PLAA: variants seen among roughly 807,000 people sequenced by gnomAD.
The protein encoded by PLAA is phospholipase A-2-activating protein.
A neutral mutation model predicts 84.1 loss-of-function variants in PLAA; 48 were observed. That is an observed-to-expected ratio of 0.57 (90% CI 0.45 to 0.73). The LOEUF (loss-of-function observed/expected upper bound fraction) is 0.73. PLAA is among the 30% of genes least tolerant of loss of function. PLAA has a pLI of 0.00. For synonymous variants in PLAA, 392 were observed against 336.6 expected (o/e 1.16, Z -1.80); for missense variants, 903 against 954.7 (o/e 0.95, Z 0.71).
At position 26,920,235 on chromosome 9, in the gene PLAA, C is replaced by T; in HGVS notation, c.1189G>A (p.Glu397Lys). The T allele has an allele frequency of 6.2e-7, 1 of 1,613,476 alleles. No individual in the cohort carries two copies. The highest frequency in any genetic ancestry group is 8.5e-7 in the Non-Finnish European group (1 of 1,179,576). Residue 397 changes from glutamate (E) to lysine (K), a missense_variant, in exon 8 of 14, where the codon GAA becomes AAA. By Grantham distance (56) the Glu-to-Lys change is moderately conservative. Transcript: ENST00000397292. The part of the protein sequence containing the change: ...NQQTSGKVLY[E>K]GKEFDYVFSI... ...AGTAGAAGTCGACATACTTTCCCTT[C>T]ATATAAAACTTTTCCAGATGTTTGC...
Position 26,903,551 on chromosome 9 carries a change from G to A in PLAA, c.*1960C>T, listed in dbSNP as rs974166268. Among the ~76,000 whole-genome samples, 1 of 152,014 alleles carries A rather than the reference G, an allele frequency of 6.6e-6. No individual in the cohort carries two copies. The highest frequency in any genetic ancestry group is 2.4e-5 in the African/African-American group (1 of 41,374). ...TTTTCTCTAGATAGTGGCCTTACAG[G>A]CAATTTTTATTTGGGGTGTGTGTGT... On this transcript the variant is annotated 3_prime_UTR_variant, in exon 14 of 14. Transcript: ENST00000397292.
At position 26,905,559 on chromosome 9, in the gene PLAA, T is replaced by C; in HGVS notation, c.2340A>G (p.Glu780=). The change falls in exon 14 of 14, where the codon GAA becomes GAG. Residue 780 remains glutamate (E), a synonymous_variant. Coordinates refer to ENST00000397292, the MANE Select transcript of PLAA (RefSeq NM_001031689.3). Reference sequence around the variant, plus strand: ...TACAGCATTCACTTACTTTAGCTGGTTCTGATACTGAGGAATACTTTTTTA... The same window carrying C: ...TACAGCATTCACTTACTTTAGCTGGCTCTGATACTGAGGAATACTTTTTTA... The part of the protein sequence containing the change: ...SQIKKYSSVS[E]PAKVSECCRF... The C allele has an allele frequency of 3.7e-6, 6 of 1,614,016 alleles. No homozygotes were observed. Among genetic ancestry groups the C allele is most frequent in the Non-Finnish European group, 5.1e-6 (6 of 1,180,002 alleles).
intron 2 of PLAA, among the ~76,000 whole-genome samples, chr9:26,933,584 C>T (rs924269319): frequency 5.9e-5 from 9 of 151,774 alleles, no homozygotes; most frequent in Non-Finnish European, 1.2e-4. Context: ...GTCAGGAGAT[C>T]GAGATCATCC....
chr9:26,914,985 G>A (rs1824504271), intron 10 of PLAA, among the ~76,000 whole-genome samples: 1 of 152,184 alleles, frequency 6.6e-6, no homozygotes, highest in Admixed American at 6.5e-5. Flanking sequence ...GGCTGAGGCG[G>A]GTGGATCACC....
intron 2 of PLAA, among the ~76,000 whole-genome samples, chr9:26,930,646 A>C (rs1359147041): frequency 6.7e-6 from 1 of 149,572 alleles, no homozygotes; most frequent in African/African-American, 2.5e-5. Flanking sequence ...GCAATGGTGC[A>C]ATCTTGGCTC....
chr9:26,931,059 T>C (rs1825167900), intron 2 of PLAA, among the ~76,000 whole-genome samples: 1 of 150,644 alleles, frequency 6.6e-6, no homozygotes, highest in Admixed American at 6.6e-5. Flanking sequence ...GAACATTCTG[T>C]AATAAAGCAA....
chr9:26,916,228 C>G, intron 10 of PLAA: 1 of 985,336 alleles, frequency 1.0e-6, no homozygotes, highest in East Asian at 1.1e-4. Context: ...TTTTATAGCT[C>G]ACAGTACCAG....
At position 26,928,094 on chromosome 9, in the gene PLAA, T is replaced by C. The variant is rs1183431276; in HGVS notation, c.565+6A>G. The C allele has an allele frequency of 2.5e-6, 4 of 1,612,020 alleles. No individual in the cohort carries two copies. Among genetic ancestry groups the C allele is most frequent in the Non-Finnish European group, 1.7e-6 (2 of 1,179,486 alleles). ...ATATTATAAAACTTGTCTACCCTGA[T>C]CTTACCTGAAAAAGTCCTCTCACAT... On this transcript the variant is annotated splice_donor_region_variant and intron_variant, in intron 4 of 13. Coordinates refer to ENST00000397292, the MANE Select transcript of PLAA (RefSeq NM_001031689.3).
chr9:26,910,282 TG>T, intron 12 of PLAA, 55 bp downstream of exon 12: 1 of 1,299,918 alleles, frequency 7.7e-7, no homozygotes, highest in Non-Finnish European at 1.1e-6. Flanking sequence ...GAAACAACCT[TG>T]ATGACATCTC....
intron 2 of PLAA, among the ~76,000 whole-genome samples, chr9:26,930,810 T>A (rs1357065698): frequency 6.6e-6 from 1 of 151,534 alleles, no homozygotes; most frequent in Non-Finnish European, 1.5e-5. Flanking sequence ...CGTGAACTCC[T>A]GACTTCAAGT....
chr9:26,929,072 G>A (rs370088657), intron 2 of PLAA, among the ~76,000 whole-genome samples: 1 of 152,020 alleles, frequency 6.6e-6, no homozygotes, highest in African/African-American at 2.4e-5. Flanking sequence ...GGCGGTATGC[G>A]CCTGTGTTCC....
intron 4 of PLAA, 70 bp downstream of exon 4, chr9:26,928,030 A>G (rs1205064109): frequency 6.7e-7 from 1 of 1,488,374 alleles, no homozygotes; most frequent in Non-Finnish European, 9.1e-7. Flanking sequence ...ATGCTTGTAA[A>G]CTTCTGAGAA....
At chr9:26,923,461 G>T in intron 6 of PLAA, 114 bp from the exon 7 acceptor site, 1 of 788,298 alleles carries the variant, frequency 1.3e-6, no homozygotes, top group Non-Finnish European at 2.0e-6. Context: ...AGAAATATTA[G>T]CATGTTATTA....
Position 26,913,871 on chromosome 9 carries a change from G to T in PLAA, c.1555+8C>A, listed in dbSNP as rs747382266. On this transcript the variant is annotated splice_region_variant and intron_variant, in intron 11 of 13. Transcript: ENST00000397292. ...TAAAAAAAAGAAAAAGAAATAAAAA[G>T]TATGTACCTGTAAATGGATCAACTC... The T allele has an allele frequency of 2.5e-6, 4 of 1,576,650 alleles. No homozygotes were observed. Among genetic ancestry groups the T allele is most frequent in the African/African-American group, 1.4e-5 (1 of 73,882 alleles).
chr9:26,934,590 G>A (rs1025602976), intron 2 of PLAA, among the ~76,000 whole-genome samples: 5 of 147,012 alleles, frequency 3.4e-5, no homozygotes, highest in African/African-American at 5.1e-5. Context: ...AGCCATTCTC[G>A]TGCTTCAGCC....
chr9:26,935,347 T>C (rs1404621233), intron 1 of PLAA, 141 bp from the exon 2 acceptor site: 1 of 485,432 alleles, frequency 2.1e-6, no homozygotes, highest in African/African-American at 2.0e-5. Flanking sequence ...TGTTTTAAAA[T>C]TGAACCTTAC....
At chr9:26,930,664 C>A (rs1052493816) in intron 2 of PLAA, among the ~76,000 whole-genome samples, 1 of 150,586 alleles carries the variant, frequency 6.6e-6, no homozygotes, top group Non-Finnish European at 1.5e-5. Context: ...CTCACTGCAA[C>A]CTCCGCTTCC....
At position 26,905,599 on chromosome 9, in the gene PLAA, C is replaced by T. The variant is rs1390321737; in HGVS notation, c.2300G>A (p.Gly767Asp). 6.2e-7 allele frequency: 1 copy of T among 1,613,982 alleles called. No individual in the cohort carries two copies. Among genetic ancestry groups the T allele is most frequent in the Non-Finnish European group, 8.5e-7 (1 of 1,179,882 alleles). Residue 767 changes from glycine (G) to aspartate (D), a missense_variant, in exon 14 of 14, where the codon GGT (glycine) becomes GAT (aspartate). By Grantham distance (94) the Gly-to-Asp change is moderately conservative. Coordinates refer to ENST00000397292, the MANE Select transcript of PLAA (RefSeq NM_001031689.3). ...SNAVQLAKSL[G>D]VDSQIKKYSS... Reference sequence around the variant, plus strand: ...ATACTTTTTTATTTGAGAATCAACACCTAAAGACTTGGCTAATTGTACAGC... The same window carrying T: ...ATACTTTTTTATTTGAGAATCAACATCTAAAGACTTGGCTAATTGTACAGC...
intron 1 of PLAA, among the ~76,000 whole-genome samples, chr9:26,936,343 G>A (rs1215495065): frequency 6.6e-6 from 1 of 152,162 alleles, no homozygotes; most frequent in Non-Finnish European, 1.5e-5. Context: ...CAGGCAGCAG[G>A]ACAACCGAAG....
Sources: gnomAD v4.1 joint callset for allele counts (sites outside exome capture counted in the v4.1 genomes callset) on GRCh38, gnomAD v4.1.1 for gene constraint, MANE v1.5 for transcripts, NCBI Gene and HGNC (gene_info 2026-07-23, HGNC 2026-07-21) for gene names.